SNAP25: variants seen among roughly 807,000 people sequenced by gnomAD.
SNAP25 encodes synaptosome associated protein 25, also known as synaptosomal-associated protein 25.
SNAP25 carries 3 observed loss-of-function variants against 28.7 expected under a neutral mutation model. The ratio of observed to expected loss-of-function variants is 0.10; its 90% CI spans 0.05 to 0.27. The LOEUF (loss-of-function observed/expected upper bound fraction) is 0.27, where lower values mean the gene tolerates loss of function less well. Among genes scored for constraint, SNAP25 ranks in the 10% least tolerant of loss-of-function variants. The pLI is 1.00. For missense variants in SNAP25, 117 were observed against 278.7 expected, an observed-to-expected ratio of 0.42 and a Z score of 4.13; for synonymous variants, 61 against 88.1, an observed-to-expected ratio of 0.69 and a Z score of 1.72.
At chr20:10,303,132 T>C (rs2064278641) in intron 7 of SNAP25, among the ~76,000 whole-genome samples, 1 of 152,222 alleles carries the variant, frequency 6.6e-6, no homozygotes, top group African/African-American at 2.4e-5. Flanking sequence ...TAATTCAATC[T>C]ACAGGAACAT....
rs1269810213 is a variant in SNAP25 at position 10,266,240 on chromosome 20, T to C, written c.-63-9189T>C. Among the ~76,000 whole-genome samples, 5 of 152,264 alleles carry C rather than the reference T, an allele frequency of 3.3e-5. 1 individual carries two copies. The highest frequency in any genetic ancestry group is 6.8e-3 in the Middle Eastern group (2 of 294). On this transcript the variant is annotated intron_variant, in intron 1 of 7. Transcript: ENST00000254976. ...CTTTCAATGAGGGGACTTAGGGAGT[T>C]GTCTCAGCAGCAGTCACTGTGCTTA... is the stretch of plus-strand genomic sequence containing the variant.
At chr20:10,295,540 G>T (rs2064090328) in intron 5 of SNAP25, among the ~76,000 whole-genome samples, 1 of 152,098 alleles carries the variant, frequency 6.6e-6, no homozygotes, top group Non-Finnish European at 1.5e-5. Flanking sequence ...CTTGATTGTG[G>T]GAGTTGCTGA....
chr20:10,229,212 A>C (rs1269860089), intron 1 of SNAP25, among the ~76,000 whole-genome samples: 1 of 152,100 alleles, frequency 6.6e-6, no homozygotes, highest in East Asian at 1.9e-4. Context: ...CCATTACTGA[A>C]GCTACATCTG....
At chr20:10,285,539 GT>G (rs1450507899) in intron 4 of SNAP25, among the ~76,000 whole-genome samples, 1 of 152,026 alleles carries the variant, frequency 6.6e-6, no homozygotes, top group African/African-American at 2.4e-5. Context: ...TTTCTGCAAA[GT>G]TTTTTTCTTT....
At chr20:10,222,900 C>T (rs1431746337) in intron 1 of SNAP25, among the ~76,000 whole-genome samples, 2 of 152,196 alleles carry the variant, frequency 1.3e-5, no homozygotes, top group Non-Finnish European at 2.9e-5. Flanking sequence ...GCAAGTTGAG[C>T]ACTTGCCAGG....
At chr20:10,271,710 G>C (rs362573) in intron 1 of SNAP25, among the ~76,000 whole-genome samples, 4,466 of 152,236 alleles carry the variant, frequency 0.029, 241 homozygotes, top group African/African-American at 0.1. Flanking sequence ...GGAAACTTGA[G>C]TATGTGTGAG....
At chr20:10,288,256 G>A (rs994706752) in intron 4 of SNAP25, among the ~76,000 whole-genome samples, 1 of 151,990 alleles carries the variant, frequency 6.6e-6, no homozygotes, top group East Asian at 1.9e-4. Flanking sequence ...TTAATAATTT[G>A]TAACTTCATG....
intron 2 of SNAP25, 58 bp from the exon 3 acceptor site, chr20:10,277,627 C>A: frequency 6.9e-7 from 1 of 1,444,232 alleles, no homozygotes. Flanking sequence ...TCTGATTTTC[C>A]AAGATCTCTG....
chr20:10,303,690 C>T (rs1182732911), intron 7 of SNAP25, among the ~76,000 whole-genome samples: 1 of 152,112 alleles, frequency 6.6e-6, no homozygotes, highest in Non-Finnish European at 1.5e-5. Flanking sequence ...CAGGGAAGGA[C>T]AAAAGAAAAG....
At position 10,305,919 on chromosome 20, in the gene SNAP25, TA is replaced by T. The variant is rs200292641; in HGVS notation, c.553-198del. Among the ~76,000 whole-genome samples the T allele has an allele frequency of 3.4e-3, 486 of 143,568 alleles. 1 individual carries two copies. Among genetic ancestry groups the T allele is most frequent in the African/African-American group, 4.1e-3 (159 of 39,242 alleles). 94.2% of individuals were successfully genotyped at this position (143,568 alleles called of 152,430 possible). Reference sequence around the variant, plus strand: ...ATTCTGAAAAAATATATTCGTTCATTAAAAAAAAAAAATGAAAATTAAGCTT... The same window carrying T: ...ATTCTGAAAAAATATATTCGTTCATTAAAAAAAAAAATGAAAATTAAGCTT... On this transcript the variant is annotated intron_variant, in intron 7 of 7. Transcript: ENST00000254976.
At chr20:10,240,803 C>G (rs1217879042) in intron 1 of SNAP25, among the ~76,000 whole-genome samples, 2 of 152,208 alleles carry the variant, frequency 1.3e-5, no homozygotes. Flanking sequence ...ACAATCATCC[C>G]TCCAGAGGAG....
At chr20:10,304,644 A>G (rs2064313420) in intron 7 of SNAP25, among the ~76,000 whole-genome samples, 1 of 152,346 alleles carries the variant, frequency 6.6e-6, no homozygotes, top group Non-Finnish European at 1.5e-5. Context: ...AGTACACATT[A>G]AGCAATTCAA....
At chr20:10,284,821 G>A in intron 4 of SNAP25, 49 bp downstream of exon 4, 1 of 1,475,470 alleles carries the variant, frequency 6.8e-7, no homozygotes, top group Non-Finnish European at 9.5e-7. Context: ...TGAATAATGT[G>A]CATTTTAAAA....
chr20:10,295,207 G>A (rs2064083923), intron 5 of SNAP25, among the ~76,000 whole-genome samples: 1 of 152,256 alleles, frequency 6.6e-6, no homozygotes, highest in African/African-American at 2.4e-5. Context: ...AGGGACGATG[G>A]TAGATGTACG....
rs2122565879 is a variant in SNAP25 at position 10,218,985 on chromosome 20, C to A, written c.-64+8C>A. 1 of 152,278 alleles carries A rather than the reference C, an allele frequency of 6.6e-6. No individual in the cohort carries two copies. Among genetic ancestry groups the A allele is most frequent in the African/African-American group, 2.4e-5 (1 of 41,542 alleles). The allele number at this position is 152,278 out of a possible 1,614,324, so 9.4% of individuals were successfully genotyped here. A position where few individuals can be genotyped will look rare whatever the true frequency, so the allele number is the denominator to read the frequency against. On this transcript the variant is annotated splice_region_variant and intron_variant, in intron 1 of 7. Coordinates refer to ENST00000254976, the MANE Select transcript of SNAP25 (RefSeq NM_130811.4). ...CCCTCCCGAGAAGCCCAGGTAAGAACCCCCCTCCCCAGGTCGTGGCTCTGG... is the reference window on the plus strand; with the variant it reads ...CCCTCCCGAGAAGCCCAGGTAAGAAACCCCCTCCCCAGGTCGTGGCTCTGG...
chr20:10,257,743 C>T (rs1168331848), intron 1 of SNAP25, among the ~76,000 whole-genome samples: 3 of 147,280 alleles, frequency 2.0e-5, no homozygotes, highest in South Asian at 4.3e-4. Context: ...AATTAGCCAG[C>T]ATGGTGGCAT....
At chr20:10,220,092 G>C (rs2062600544) in intron 1 of SNAP25, among the ~76,000 whole-genome samples, 1 of 152,152 alleles carries the variant, frequency 6.6e-6, no homozygotes, top group South Asian at 2.1e-4. Context: ...GTGAGCATAA[G>C]TACTGTATAT....
At chr20:10,279,211 C>T (rs1381621566) in intron 3 of SNAP25, among the ~76,000 whole-genome samples, 1 of 152,168 alleles carries the variant, frequency 6.6e-6, no homozygotes, top group Non-Finnish European at 1.5e-5. Context: ...TATTCTCTCT[C>T]AAGTTTTCAG....
At chr20:10,299,188 A>G in intron 6 of SNAP25, 80 bp from the exon 7 acceptor site, 1 of 1,507,640 alleles carries the variant, frequency 6.6e-7, no homozygotes, top group Non-Finnish European at 9.0e-7. Flanking sequence ...AGGACGACAG[A>G]TTTCCACTAT....
Sources: gnomAD v4.1 joint callset for allele counts (sites outside exome capture counted in the v4.1 genomes callset) on GRCh38, gnomAD v4.1.1 for gene constraint, MANE v1.5 for transcripts, NCBI Gene and HGNC (gene_info 2026-07-23, HGNC 2026-07-21) for gene names.